SEMA5B: variants seen among roughly 807,000 people sequenced by gnomAD.
SEMA5B encodes the protein semaphorin-5B.
In SEMA5B, 66 loss-of-function variants were observed where a neutral mutation model predicts 135.0. That is an observed-to-expected ratio of 0.49 (90% CI 0.40 to 0.60). The LOEUF (loss-of-function observed/expected upper bound fraction) is 0.60. Ranked by LOEUF, SEMA5B falls within the 20% of genes least tolerant of loss-of-function variation. The pLI is 0.00. For synonymous variants in SEMA5B, 690 were observed against 639.5 expected (o/e 1.08, Z -1.19); for missense variants, 1,501 against 1,566.3 (o/e 0.96, Z 0.70).
At chr3:122,979,101 G>C (rs1419417453) in intron 1 of SEMA5B, among the ~76,000 whole-genome samples, 1 of 152,174 alleles carries the variant, frequency 6.6e-6, no homozygotes. Flanking sequence ...GGCTGGAAAA[G>C]AACAATGGGA....
At chr3:122,985,337 A>C (rs563891483) in intron 1 of SEMA5B, among the ~76,000 whole-genome samples, 1 of 152,242 alleles carries the variant, frequency 6.6e-6, no homozygotes, top group African/African-American at 2.4e-5. Context: ...TAAATTAAAA[A>C]AATTTTTTTT....
intron 5 of SEMA5B, among the ~76,000 whole-genome samples, chr3:122,931,505 T>A (rs1019268770): frequency 2.6e-5 from 4 of 152,182 alleles, no homozygotes; most frequent in Admixed American, 1.3e-4. Flanking sequence ...TTAGTTAAAA[T>A]TTTAACGTAT....
intron 1 of SEMA5B, among the ~76,000 whole-genome samples, chr3:123,013,148 T>C: frequency 6.6e-6 from 1 of 152,204 alleles, no homozygotes; most frequent in East Asian, 1.9e-4. Flanking sequence ...CTCAAATGGC[T>C]AGGAAGCCTG....
intron 1 of SEMA5B, among the ~76,000 whole-genome samples, chr3:122,967,620 A>G (rs1940923583): frequency 6.6e-6 from 1 of 152,126 alleles, no homozygotes; most frequent in Admixed American, 6.5e-5. Flanking sequence ...TCCAGGTGCA[A>G]TGGATTCTGT....
At chr3:122,941,363 A>T (rs759628366) in intron 4 of SEMA5B, among the ~76,000 whole-genome samples, 12 of 152,188 alleles carry the variant, frequency 7.9e-5, no homozygotes, top group Admixed American at 2.0e-4. Context: ...CAGACAGAAA[A>T]CATAACCACC....
At chr3:123,016,080 T>C (rs747494507) in intron 1 of SEMA5B, among the ~76,000 whole-genome samples, 4 of 151,744 alleles carry the variant, frequency 2.6e-5, no homozygotes, top group Admixed American at 6.6e-5. Context: ...GGATGAGGGG[T>C]GGGAAGGAAA....
At chr3:122,948,377 G>C (rs1360488071) in intron 3 of SEMA5B, 129 bp downstream of exon 3, 1 of 715,928 alleles carries the variant, frequency 1.4e-6, no homozygotes, top group Non-Finnish European at 2.2e-6. Context: ...CAGGACCCCG[G>C]GACGGGACCC....
At chr3:122,974,471 C>T (rs1310381992) in intron 1 of SEMA5B, among the ~76,000 whole-genome samples, 2 of 152,264 alleles carry the variant, frequency 1.3e-5, no homozygotes, top group African/African-American at 4.8e-5. Context: ...AGCCTCACTG[C>T]TGCCCCAGCC....
In SEMA5B at chr3:122,922,581, T is replaced by A. The variant is rs956984733; in HGVS notation, c.1273-134A>T. 125 of 785,606 alleles carry A rather than the reference T, an allele frequency of 1.6e-4. 1 individual carries two copies. Among genetic ancestry groups the A allele is most frequent in the Middle Eastern group, 7.1e-4 (2 of 2,830 alleles). The allele number at this position is 785,606 out of a possible 1,614,324, so 48.7% of individuals were successfully genotyped here. On this transcript the variant is annotated intron_variant, in intron 10 of 22. Coordinates refer to ENST00000357599, the MANE Select transcript of SEMA5B (RefSeq NM_001031702.4). Reference sequence around the variant, plus strand: ...TCTCCAGCACCCCCCACCCCTAGCATCCCTGCTGGGCGTCCTGCACCCTTT... The same window carrying A: ...TCTCCAGCACCCCCCACCCCTAGCAACCCTGCTGGGCGTCCTGCACCCTTT...
At position 123,017,279 on chromosome 3, in the gene SEMA5B, GATT is replaced by G. The variant is rs539556811; in HGVS notation, c.-39+10182_-39+10184del. Among the ~76,000 whole-genome samples the G allele has an allele frequency of 2.4e-3, 372 of 151,938 alleles. 2 individuals are homozygous for G. Among genetic ancestry groups the G allele is most frequent in the African/African-American group, 8.8e-3 (364 of 41,394 alleles). On this transcript the variant is annotated intron_variant, in intron 1 of 22. Coordinates refer to ENST00000357599, the MANE Select transcript of SEMA5B (RefSeq NM_001031702.4). ...ACAGAGGGCTGACTGTACTTTCTAG[GATT>G]ATTAAGTAATGAGCTCATTTAATCT...
Position 122,926,388 on chromosome 3 carries a change from T to C in SEMA5B, c.1136+4A>G. On this transcript the variant is annotated splice_donor_region_variant and intron_variant, in intron 9 of 22. Transcript: ENST00000357599. ...GCAAGGGGCTGGCAGAGGGCAGGAC[T>C]CACACGTTGGTTGTGAAAACTCCAT... The C allele has an allele frequency of 6.2e-7, 1 of 1,607,850 alleles. No individual in the cohort carries two copies. The highest frequency in any genetic ancestry group is 8.5e-7 in the Non-Finnish European group (1 of 1,175,462).
chr3:122,947,424 C>A (rs565933464), intron 3 of SEMA5B, among the ~76,000 whole-genome samples: 1 of 152,040 alleles, frequency 6.6e-6, no homozygotes, highest in African/African-American at 2.4e-5. Flanking sequence ...CCTCTCCCAC[C>A]TCTCAAATCC....
intron 1 of SEMA5B, among the ~76,000 whole-genome samples, chr3:123,006,182 C>A (rs1942304484): frequency 6.6e-6 from 1 of 152,208 alleles, no homozygotes; most frequent in Admixed American, 6.5e-5. Flanking sequence ...CTTTGCGTCT[C>A]CAATGTCTGG....
At chr3:122,973,152 A>G (rs1173929169) in intron 1 of SEMA5B, among the ~76,000 whole-genome samples, 1 of 152,214 alleles carries the variant, frequency 6.6e-6, no homozygotes, top group African/African-American at 2.4e-5. Flanking sequence ...GGCAGTATTG[A>G]GACTGGGGCA....
chr3:122,925,705 A>G (rs2107648982), intron 9 of SEMA5B, among the ~76,000 whole-genome samples: 1 of 152,258 alleles, frequency 6.6e-6, no homozygotes, highest in East Asian at 1.9e-4. Context: ...AGAAAAAGAA[A>G]AAAAGTATCG....
intron 9 of SEMA5B, 52 bp from the exon 10 acceptor site, chr3:122,923,804 C>A: frequency 6.2e-7 from 1 of 1,608,214 alleles, no homozygotes; most frequent in Non-Finnish European, 8.5e-7. Context: ...ACCTGGCACC[C>A]TCCTCATAAA....
At chr3:123,007,897 T>C (rs991125919) in intron 1 of SEMA5B, among the ~76,000 whole-genome samples, 3 of 152,170 alleles carry the variant, frequency 2.0e-5, no homozygotes, top group African/African-American at 7.2e-5. Context: ...TATACTCCAA[T>C]ATAGTATAAT....
In SEMA5B at chr3:122,926,316, A is replaced by C; in HGVS notation, c.1136+76T>G. On this transcript the variant is annotated intron_variant, in intron 9 of 22. Transcript: ENST00000357599. The stretch of plus-strand genomic sequence containing the variant: ...AGGCACGGCAGTCCCCATTTTATAG[A>C]TGAAGCCCACCAGGCCATGAGGCCA... 4 of 1,417,990 alleles carry C rather than the reference A, an allele frequency of 2.8e-6. No individual in the cohort carries two copies. The Admixed American group carries it at 8.2e-5, about 29-fold the overall frequency. 87.8% of individuals were successfully genotyped at this position (1,417,990 alleles called of 1,614,324 possible).
At chr3:122,944,511 G>A (rs1431581038) in intron 3 of SEMA5B, among the ~76,000 whole-genome samples, 5 of 152,198 alleles carry the variant, frequency 3.3e-5, no homozygotes, top group Non-Finnish European at 5.9e-5. Context: ...GTGTTTGAAC[G>A]AATATATGAA....
Sources: allele counts gnomAD v4.1 joint callset (sites outside exome capture counted in the v4.1 genomes callset), GRCh38; gene constraint gnomAD v4.1.1; transcripts MANE v1.5; gene names NCBI Gene and HGNC (gene_info 2026-07-23, HGNC 2026-07-21).